Variants in ARHGAP44 observed in about 807,000 individuals in gnomAD.
The protein encoded by ARHGAP44 is rho GTPase-activating protein 44.
Under a neutral mutation model 106.8 loss-of-function variants are expected in ARHGAP44, and 43 were observed. The observed-to-expected ratio is 0.40, with a 90% CI of 0.32 to 0.52. ARHGAP44 has a LOEUF of 0.52. Among genes scored for constraint, ARHGAP44 ranks in the 20% least tolerant of loss-of-function variants. The pLI, the probability that ARHGAP44 is intolerant of heterozygous loss-of-function variation, is 0.48. For synonymous variants in ARHGAP44, 439 were observed against 410.3 expected (o/e 1.07, Z -0.85); for missense variants, 866 against 1,050.5 (o/e 0.82, Z 2.43).
At chr17:12,797,888 G>T (rs1336358622) in intron 1 of ARHGAP44, among the ~76,000 whole-genome samples, 1 of 152,058 alleles carries the variant, frequency 6.6e-6, no homozygotes, top group South Asian at 2.1e-4. Flanking sequence ...AGTAGTTTTT[G>T]TCCATTTTGC....
At chr17:12,900,849 TA>T (rs2150927061) in intron 3 of ARHGAP44, among the ~76,000 whole-genome samples, 1 of 149,686 alleles carries the variant, frequency 6.7e-6, no homozygotes, top group East Asian at 2.0e-4. Flanking sequence ...CCAAAAGGGG[TA>T]AACACACTTC....
chr17:12,817,632 C>CT (rs1379557565), intron 1 of ARHGAP44, among the ~76,000 whole-genome samples: 3 of 151,836 alleles, frequency 2.0e-5, no homozygotes, highest in Non-Finnish European at 2.9e-5. Flanking sequence ...GCCAGACCGA[C>CT]TAAGGAAAAA....
chr17:12,875,614 A>AG (rs67190711), intron 1 of ARHGAP44, among the ~76,000 whole-genome samples: 174 of 151,972 alleles, frequency 1.1e-3, no homozygotes, highest in African/African-American at 3.5e-3. Flanking sequence ...ATAAATAAAA[A>AG]GGGGGGGTGC....
chr17:12,961,694 A>G (rs534156610), intron 16 of ARHGAP44, among the ~76,000 whole-genome samples: 79 of 152,314 alleles, frequency 5.2e-4, no homozygotes, highest in Non-Finnish European at 1.0e-3. Flanking sequence ...AGATCACGCC[A>G]TGCATGGCAG....
chr17:12,800,585 C>T (rs1279357747), intron 1 of ARHGAP44, among the ~76,000 whole-genome samples: 3 of 152,184 alleles, frequency 2.0e-5, no homozygotes, highest in Admixed American at 2.0e-4. Context: ...CTTCTACTCT[C>T]AAAGTAGAAG....
At chr17:12,908,812 G>T in intron 3 of ARHGAP44, 85 bp from the exon 4 acceptor site, 1 of 1,037,310 alleles carries the variant, frequency 9.6e-7, no homozygotes, top group African/African-American at 1.6e-5. Flanking sequence ...ATAATACCTT[G>T]GCAAGTATTT....
At chr17:12,843,857 G>T (rs9910783) in intron 1 of ARHGAP44, among the ~76,000 whole-genome samples, 1 of 150,774 alleles carries the variant, frequency 6.6e-6, no homozygotes, top group Admixed American at 6.6e-5. Flanking sequence ...GGGTTTCACC[G>T]TGTTGGCCAG....
chr17:12,875,397 C>G (rs929248459), intron 1 of ARHGAP44, among the ~76,000 whole-genome samples: 2 of 151,854 alleles, frequency 1.3e-5, no homozygotes, highest in African/African-American at 4.8e-5. Context: ...AATTTGAGAC[C>G]AGCCTGGACA....
chr17:12,960,194 G>A (rs1282310760), intron 16 of ARHGAP44, among the ~76,000 whole-genome samples: 1 of 152,026 alleles, frequency 6.6e-6, no homozygotes, highest in East Asian at 1.9e-4. Context: ...TCTCCACTTA[G>A]TGGAGAAAGA....
intron 6 of ARHGAP44, among the ~76,000 whole-genome samples, chr17:12,923,904 G>C (rs958351828): frequency 6.6e-6 from 1 of 152,116 alleles, no homozygotes; most frequent in African/African-American, 2.4e-5. Context: ...GGGATCACCA[G>C]CTCCTCTTCT....
intron 1 of ARHGAP44, among the ~76,000 whole-genome samples, chr17:12,817,204 T>C (rs989612057): frequency 2.0e-5 from 3 of 152,050 alleles, no homozygotes; most frequent in Non-Finnish European, 4.4e-5. Context: ...TTAAAAAGTA[T>C]TTAGAACTGA....
chr17:12,952,708 A>C lies in ARHGAP44; in HGVS notation c.1136+127A>C. ...ATTTTATGATGTCCAAGGTATTATT[A>C]ACATGCATGGTCTCTTTTTTTTTTT... On this transcript the variant is annotated intron_variant, in intron 13 of 20. Coordinates refer to ENST00000379672, the MANE Select transcript of ARHGAP44 (RefSeq NM_014859.6). The C allele has an allele frequency of 9.2e-6, 5 of 544,264 alleles. No individual in the cohort carries two copies. The South Asian group carries it at 1.2e-4, about 13-fold the overall frequency. The allele number at this position is 544,264 out of a possible 1,614,324, so 33.7% of individuals were successfully genotyped here.
At chr17:12,824,864 C>T (rs935168823) in intron 1 of ARHGAP44, among the ~76,000 whole-genome samples, 1 of 151,660 alleles carries the variant, frequency 6.6e-6, no homozygotes, top group African/African-American at 2.4e-5. Flanking sequence ...CTACTCATTT[C>T]CTAGTCTTCC....
chr17:12,957,457 G>A (rs2039158190), intron 15 of ARHGAP44, among the ~76,000 whole-genome samples: 1 of 152,198 alleles, frequency 6.6e-6, no homozygotes, highest in Admixed American at 6.5e-5. Flanking sequence ...AGGTTCCTGA[G>A]ATGGATGGGG....
chr17:12,952,303 C>T (rs115341965), intron 12 of ARHGAP44, among the ~76,000 whole-genome samples, 198 bp from the exon 13 acceptor site: 3,574 of 152,216 alleles, frequency 0.023, 101 homozygotes, highest in African/African-American at 0.066. Flanking sequence ...GGAGGAAGCA[C>T]TGTTAAAATC....
chr17:12,916,955 A>G (rs1292098711), intron 5 of ARHGAP44, among the ~76,000 whole-genome samples: 2 of 152,212 alleles, frequency 1.3e-5, no homozygotes, highest in South Asian at 4.1e-4. Context: ...CATGATTCTT[A>G]AAGGAAATGC....
At chr17:12,849,221 G>GTA (rs946269867) in intron 1 of ARHGAP44, among the ~76,000 whole-genome samples, 1 of 151,752 alleles carries the variant, frequency 6.6e-6, no homozygotes, top group Non-Finnish European at 1.5e-5. Context: ...GGGCGTGTGT[G>GTA]TGTGTGTGTG....
At chr17:12,910,048 G>A (rs1269111353) in intron 4 of ARHGAP44, among the ~76,000 whole-genome samples, 2 of 152,156 alleles carry the variant, frequency 1.3e-5, no homozygotes, top group African/African-American at 2.4e-5. Context: ...CAAGTATTGA[G>A]CGAAAATGTA....
intron 1 of ARHGAP44, among the ~76,000 whole-genome samples, chr17:12,867,800 C>T (rs1182925934): frequency 3.3e-5 from 5 of 152,140 alleles, no homozygotes; most frequent in Admixed American, 1.3e-4. Context: ...AGATGCTATT[C>T]GACCAGGTTT....
Sources: allele counts gnomAD v4.1 joint callset (sites outside exome capture counted in the v4.1 genomes callset), GRCh38; gene constraint gnomAD v4.1.1; transcripts MANE v1.5; gene names NCBI Gene and HGNC (gene_info 2026-07-23, HGNC 2026-07-21).